Variants in EPHB3 observed in about 807,000 individuals in gnomAD.
EPHB3 encodes the protein ephrin type-B receptor 3.
A neutral mutation model predicts 100.2 loss-of-function variants in EPHB3; 33 were observed. That is an observed-to-expected ratio of 0.33 (90% CI 0.25 to 0.44). The LOEUF is 0.44. Among genes scored for constraint, EPHB3 ranks in the 20% least tolerant of loss-of-function variants. EPHB3 has a pLI of 1.00. For synonymous variants in EPHB3, 526 were observed against 554.7 expected (o/e 0.95, Z 0.73); for missense variants, 1,045 against 1,378.3 (o/e 0.76, Z 3.83).
rs749686296 is a variant in EPHB3, at chr3:184,581,533, G to A, written c.2908G>A (p.Val970Ile). 1.9e-6 allele frequency: 3 copies of A among 1,613,744 alleles called. No homozygotes were observed. Among genetic ancestry groups the A allele is most frequent in the Non-Finnish European group, 2.5e-6 (3 of 1,179,902 alleles). The change falls in exon 16 of 16, where the codon GTC becomes ATC. Residue 970 changes from valine (V) to isoleucine (I), a missense_variant. Val to Ile is a conservative substitution (Grantham distance 29). Coordinates refer to ENST00000330394, the MANE Select transcript of EPHB3 (RefSeq NM_004443.4). Reference sequence around the variant, plus strand: ...CTGCAGAGACCTGCTCCGTATTGGGGTCACCCTGGCCGGCCACCAGAAGAA... The same window carrying A: ...CTGCAGAGACCTGCTCCGTATTGGGATCACCCTGGCCGGCCACCAGAAGAA... The part of the protein sequence containing the change: ...MTAEDLLRIG[V>I]TLAGHQKKIL...
chr3:184,568,176 C>T (rs140828262), intron 1 of EPHB3, among the ~76,000 whole-genome samples: 288 of 152,234 alleles, frequency 1.9e-3, no homozygotes, highest in Non-Finnish European at 2.8e-3. Context: ...TGGCTGCTCT[C>T]CATGGCCCTG....
Position 184,578,318 on chromosome 3 carries a change from T to A in EPHB3, c.1749-96T>A, listed in dbSNP as rs370370759. On this transcript the variant is annotated intron_variant, in intron 8 of 15. Coordinates refer to ENST00000330394, the MANE Select transcript of EPHB3 (RefSeq NM_004443.4). The surrounding 1 kb of genome is among the most constrained non-coding windows in gnomAD (Gnocchi z 4.7). ...GGACTAGGCCCCAGGCCATCCCCTG[T>A]ATCCTCTCCGCCCCTTCTGTGAGCC... 2.6e-3 allele frequency: 4,116 copies of A among 1,565,304 alleles called. 111 individuals carry two copies. The South Asian group carries it at 0.042, about 16-fold the overall frequency.
chr3:184,564,668 G>A lies in EPHB3; in HGVS notation c.118+2315G>A, dbSNP rs1332649086. ...AAAGATGAAAGGGAAGGTTGGTGCA[G>A]GGGGCTGGGGGTGGGGCTGTCTGCC... On this transcript the variant is annotated intron_variant, in intron 1 of 15. Coordinates refer to ENST00000330394, the MANE Select transcript of EPHB3 (RefSeq NM_004443.4). 3.3e-5 allele frequency among the ~76,000 whole-genome samples: 5 copies of A among 152,314 alleles called. No individual in the cohort carries two copies. In the East Asian group the frequency reaches 9.7e-4, roughly 29 times the overall value.
At position 184,573,463 on chromosome 3, in the gene EPHB3, G is replaced by A. The variant is rs561990489; in HGVS notation, c.856+287G>A. Among the ~76,000 whole-genome samples the A allele has an allele frequency of 2.8e-4, 42 of 152,332 alleles. No individual in the cohort carries two copies. Among genetic ancestry groups the A allele is most frequent in the African/African-American group, 9.1e-4 (38 of 41,572 alleles). ...CTTGGCAAGCAGGCACCTGGAGAAC[G>A]CAGTCAGAAGCTTAGGAGGCTGGCA... On this transcript the variant is annotated intron_variant, in intron 3 of 15. Coordinates refer to ENST00000330394, the MANE Select transcript of EPHB3 (RefSeq NM_004443.4). This position sits in a 1 kb window ranked among gnomAD's most constrained non-coding sequence, Gnocchi z 4.5.
chr3:184,572,518 T>C lies in EPHB3; in HGVS notation c.198T>C (p.Ser66=), dbSNP rs768121735. 3.5e-5 allele frequency: 55 copies of C among 1,559,668 alleles called. No homozygotes were observed. The Admixed American group carries it at 1.1e-3, about 31-fold the overall frequency. The change falls in exon 3 of 16, where the codon AGT becomes AGC. Residue 66 remains serine, a synonymous_variant. Transcript: ENST00000330394. This position sits in a 1 kb window ranked among gnomAD's most constrained non-coding sequence, Gnocchi z 6.6. ...TCCATGCACAGTGGGAAGAGGTGAG[T>C]GGCTACGATGAGGCCATGAATCCCA... ...SHPESGWEEV[S]GYDEAMNPIR... is the part of the protein sequence containing the mutation.
chr3:184,573,310 G>A lies in EPHB3; in HGVS notation c.856+134G>A. 9.4e-7 allele frequency: 1 copy of A among 1,062,552 alleles called. No individual in the cohort carries two copies. Among genetic ancestry groups the A allele is most frequent in the Non-Finnish European group, 1.4e-6 (1 of 739,340 alleles). The allele number at this position is 1,062,552 out of a possible 1,614,324, so 65.8% of individuals were successfully genotyped here. On this transcript the variant is annotated intron_variant, in intron 3 of 15. Transcript: ENST00000330394. The surrounding 1 kb of genome is among the most constrained non-coding windows in gnomAD (Gnocchi z 4.5). The stretch of plus-strand genomic sequence containing the variant: ...CAGGTCCACAGTGGAGGCAGGAGAG[G>A]GAAGAGTGGGGATCAGATGCAGAGA...
Position 184,571,304 on chromosome 3 carries a change from C to T in EPHB3, c.119-14C>T, listed in dbSNP as rs757549303. On this transcript the variant is annotated splice_polypyrimidine_tract_variant and intron_variant, in intron 1 of 15. Coordinates refer to ENST00000330394, the MANE Select transcript of EPHB3 (RefSeq NM_004443.4). The surrounding 1 kb of genome is among the most constrained non-coding windows in gnomAD (Gnocchi z 5.0). The stretch of plus-strand genomic sequence containing the variant: ...GAGATTAGTCCCTGACCTTTTTCTC[C>T]GTTGTTCCTCCAGAGACCCTCATGG... The T allele has an allele frequency of 2.5e-5, 40 of 1,613,674 alleles. No homozygotes were observed. The highest frequency in any genetic ancestry group is 3.3e-4 in the Middle Eastern group (2 of 6,084).
In EPHB3 at chr3:184,565,889, C is replaced by A. The variant is rs976443205; in HGVS notation, c.118+3536C>A. Among the ~76,000 whole-genome samples, 1 of 152,236 alleles carries A rather than the reference C, an allele frequency of 6.6e-6. No individual in the cohort carries two copies. Among genetic ancestry groups the A allele is most frequent in the Non-Finnish European group, 1.5e-5 (1 of 68,048 alleles). ...CTGAAGCCGAAGCTGCCGAAGCTGC[C>A]GTGGGCAAGGCCTCTGCCGCACGGC... On this transcript the variant is annotated intron_variant, in intron 1 of 15. Coordinates refer to ENST00000330394, the MANE Select transcript of EPHB3 (RefSeq NM_004443.4). The surrounding 1 kb of genome is among the most constrained non-coding windows in gnomAD (Gnocchi z 4.8).
intron 1 of EPHB3, among the ~76,000 whole-genome samples, chr3:184,570,346 T>C (rs1714508679): frequency 1.3e-5 from 2 of 152,232 alleles, no homozygotes; most frequent in African/African-American, 4.8e-5. Context: ...CTGAACCTGA[T>C]CCACCCTTGT....
chr3:184,577,167 C>T lies in EPHB3; in HGVS notation c.1338C>T (p.Ile446=). 1 of 1,599,660 alleles carries T rather than the reference C, an allele frequency of 6.3e-7. No individual in the cohort carries two copies. The highest frequency in any genetic ancestry group is 8.5e-7 in the Non-Finnish European group (1 of 1,170,584). Residue 446 remains isoleucine (I), a synonymous_variant, in exon 5 of 16, where the codon ATC becomes ATT. Coordinates refer to ENST00000330394, the MANE Select transcript of EPHB3 (RefSeq NM_004443.4). The surrounding 1 kb of genome is among the most constrained non-coding windows in gnomAD (Gnocchi z 4.9). ...PLPPRYAAVN[I]TTNQAAPSEV... Reference sequence around the variant, plus strand: ...CGCCTCGTTATGCGGCCGTGAATATCACCACAAACCAGGCTGGTGAGGAGG... The same window carrying T: ...CGCCTCGTTATGCGGCCGTGAATATTACCACAAACCAGGCTGGTGAGGAGG...
Position 184,579,379 on chromosome 3 carries a change from T to C in EPHB3, c.1802-98T>C. 6.5e-7 allele frequency: 1 copy of C among 1,541,362 alleles called. No homozygotes were observed. Among genetic ancestry groups the C allele is most frequent in the East Asian group, 2.3e-5 (1 of 44,028 alleles). On this transcript the variant is annotated intron_variant, in intron 9 of 15. Transcript: ENST00000330394. This position sits in a 1 kb window ranked among gnomAD's most constrained non-coding sequence, Gnocchi z 5.2. ...ATTAGGGCAGCAACACAGAGGAATA[T>C]GGGGCTGGGCTCAGCAGGGAGCCTG...
rs1288035210 is a variant in EPHB3, at chr3:184,565,677, G to A, written c.118+3324G>A. Among the ~76,000 whole-genome samples the A allele has an allele frequency of 6.6e-6, 1 of 152,186 alleles. No individual in the cohort carries two copies. The highest frequency in any genetic ancestry group is 2.4e-5 in the African/African-American group (1 of 41,450). On this transcript the variant is annotated intron_variant, in intron 1 of 15. Coordinates refer to ENST00000330394, the MANE Select transcript of EPHB3 (RefSeq NM_004443.4). The surrounding 1 kb of genome is among the most constrained non-coding windows in gnomAD (Gnocchi z 4.8). Reference sequence around the variant, plus strand: ...AGAGGGGACAGCGGGCCAGGATTTGGAGGGCTTGCTCACTTGTTTGAGTTG... The same window carrying A: ...AGAGGGGACAGCGGGCCAGGATTTGAAGGGCTTGCTCACTTGTTTGAGTTG...
At position 184,578,275 on chromosome 3, in the gene EPHB3, C is replaced by A; in HGVS notation, c.1749-139C>A. 1 of 1,278,212 alleles carries A rather than the reference C, an allele frequency of 7.8e-7. No individual in the cohort carries two copies. Among genetic ancestry groups the A allele is most frequent in the Non-Finnish European group, 1.1e-6 (1 of 906,300 alleles). 79.2% of individuals were successfully genotyped at this position (1,278,212 alleles called of 1,614,324 possible). A position where few individuals can be genotyped will look rare whatever the true frequency, so the allele number is the denominator to read the frequency against. On this transcript the variant is annotated intron_variant, in intron 8 of 15. Transcript: ENST00000330394. This position sits in a 1 kb window ranked among gnomAD's most constrained non-coding sequence, Gnocchi z 4.7. ...CCCTTGCTCAGACACCCAGAGACTG[C>A]TGTGACCACCAATTGTGGGACTAGG...
rs2108439544 is a variant in EPHB3 at position 184,579,102 on chromosome 3, G to C, written c.1802-375G>C. Among the ~76,000 whole-genome samples the C allele has an allele frequency of 6.6e-6, 1 of 152,258 alleles. No homozygotes were observed. The highest frequency in any genetic ancestry group is 1.5e-5 in the Non-Finnish European group (1 of 68,018). On this transcript the variant is annotated intron_variant, in intron 9 of 15. Coordinates refer to ENST00000330394, the MANE Select transcript of EPHB3 (RefSeq NM_004443.4). This position sits in a 1 kb window ranked among gnomAD's most constrained non-coding sequence, Gnocchi z 5.2. ...CAAGCTGGGGAGTAATACAATGAAA[G>C]GATTGTTTTAGGAAGACAGCGGTAT...
In EPHB3 at chr3:184,581,098, G is replaced by C. The variant is rs1415559393; in HGVS notation, c.2665G>C (p.Val889Leu). The part of the protein sequence containing the change: ...RNLRPKFSQI[V>L]NTLDKLIRNA... The stretch of plus-strand genomic sequence containing the variant: ...CCTCAGGCCCAAATTCTCCCAGATT[G>C]TCAATACCCTGGACAAGCTCATCCG... The change falls in exon 14 of 16, where the codon GTC becomes CTC. Residue 889 changes from valine to leucine, a missense_variant. Val to Leu is a conservative substitution (Grantham distance 32, BLOSUM62 1). Around this residue, in one of 2 missense-constraint regions of EPHB3, gnomAD observed 985 missense variants for 1,331.1 expected, o/e 0.74. Transcript: ENST00000330394. 6.2e-7 allele frequency: 1 copy of C among 1,614,106 alleles called. No homozygotes were observed. Among genetic ancestry groups the C allele is most frequent in the Admixed American group, 1.7e-5 (1 of 60,008 alleles).
chr3:184,568,836 G>C (rs1247052156), intron 1 of EPHB3, among the ~76,000 whole-genome samples: 1 of 152,232 alleles, frequency 6.6e-6, no homozygotes, highest in Non-Finnish European at 1.5e-5. Flanking sequence ...AAAATGTGGC[G>C]AGATTGAGCG....
At position 184,564,681 on chromosome 3, in the gene EPHB3, G is replaced by A. The variant is rs143899974; in HGVS notation, c.118+2328G>A. 1.4e-3 allele frequency among the ~76,000 whole-genome samples: 206 copies of A among 152,278 alleles called. 3 individuals carry two copies. The highest frequency in any genetic ancestry group is 0.012 in the Admixed American group (188 of 15,304). On this transcript the variant is annotated intron_variant, in intron 1 of 15. Coordinates refer to ENST00000330394, the MANE Select transcript of EPHB3 (RefSeq NM_004443.4). ...AAGGTTGGTGCAGGGGGCTGGGGGT[G>A]GGGCTGTCTGCCCCACATCTCCCTG...
At position 184,569,211 on chromosome 3, in the gene EPHB3, G is replaced by GGGC. The variant is rs1714478106; in HGVS notation, c.119-2105_119-2104insCGG. On this transcript the variant is annotated intron_variant, in intron 1 of 15. Coordinates refer to ENST00000330394, the MANE Select transcript of EPHB3 (RefSeq NM_004443.4). This position sits in a 1 kb window ranked among gnomAD's most constrained non-coding sequence, Gnocchi z 5.4. The stretch of plus-strand genomic sequence containing the variant: ...CGGGCGGACCGGCGGGCGGACCGGC[G>GGGC]GGAGGACTGGCTGCGGGGGCAGGGC... Among the ~76,000 whole-genome samples, 1 of 151,964 alleles carries GGGC rather than the reference G, an allele frequency of 6.6e-6. No homozygotes were observed. The highest frequency in any genetic ancestry group is 1.5e-5 in the Non-Finnish European group (1 of 67,926).
chr3:184,565,730 G>A lies in EPHB3; in HGVS notation c.118+3377G>A, dbSNP rs935572166. ...TCTGGCACCCCCAAACCCCATCCCT[G>A]TCTGTCAGGAGCTGGCCTTCTGAGC... On this transcript the variant is annotated intron_variant, in intron 1 of 15. Coordinates refer to ENST00000330394, the MANE Select transcript of EPHB3 (RefSeq NM_004443.4). This position sits in a 1 kb window ranked among gnomAD's most constrained non-coding sequence, Gnocchi z 4.8. Among the ~76,000 whole-genome samples the A allele has an allele frequency of 6.6e-6, 1 of 152,206 alleles. No homozygotes were observed. Among genetic ancestry groups the A allele is most frequent in the Non-Finnish European group, 1.5e-5 (1 of 68,032 alleles).
Sources: gnomAD v4.1 joint callset for allele counts (sites outside exome capture counted in the v4.1 genomes callset) on GRCh38, gnomAD v4.1.1 for gene constraint, gnomAD v4.1.1 regional missense constraint, Gnocchi (gnomAD v3.1) non-coding constraint, MANE v1.5 for transcripts, NCBI Gene and HGNC (gene_info 2026-07-23, HGNC 2026-07-21) for gene names.